Variants in PXDNL observed in about 807,000 individuals in gnomAD.
PXDNL encodes probable oxidoreductase PXDNL.
Under a neutral mutation model 150.8 loss-of-function variants are expected in PXDNL, and 145 were observed. That is an observed-to-expected ratio of 0.96 (90% CI 0.84 to 1.10). PXDNL has a LOEUF of 1.10. Among genes scored for constraint, PXDNL ranks in the 50% least tolerant of loss-of-function variants. The pLI is 0.00. For missense variants in PXDNL, 2,087 were observed against 1,873.9 expected, an observed-to-expected ratio of 1.11 and a Z score of -2.10; for synonymous variants, 757 against 725.7, an observed-to-expected ratio of 1.04 and a Z score of -0.69.
chr8:51,710,666 TC>T lies in PXDNL; in HGVS notation c.165-55907del, dbSNP rs1816480136. On this transcript the variant is annotated intron_variant, in intron 1 of 22. Transcript: ENST00000356297. ...TATGAATGAGTCTGACCATTTTAGA[TC>T]CCCCATAGGAGTGAGCTCATGAAGT... is the stretch of plus-strand genomic sequence containing the variant. Among the ~76,000 whole-genome samples, 4 of 152,290 alleles carry T rather than the reference TC, an allele frequency of 2.6e-5. No homozygotes were observed. The East Asian group carries it at 5.8e-4, about 22-fold the overall frequency.
intron 2 of PXDNL, among the ~76,000 whole-genome samples, chr8:51,616,610 A>C (rs1216769124): frequency 6.6e-6 from 1 of 152,050 alleles, no homozygotes; most frequent in African/African-American, 2.4e-5. Flanking sequence ...AGATGATTGT[A>C]GTATTGGCAT....
At chr8:51,370,504 C>T (rs772088249) in intron 19 of PXDNL, among the ~76,000 whole-genome samples, 3 of 152,200 alleles carry the variant, frequency 2.0e-5, no homozygotes, top group Non-Finnish European at 4.4e-5. Context: ...GATCTAATCA[C>T]TAAGAACTTG....
intron 1 of PXDNL, among the ~76,000 whole-genome samples, chr8:51,660,539 G>A (rs139582956): frequency 2.0e-5 from 3 of 152,256 alleles, no homozygotes; most frequent in East Asian, 3.9e-4. Context: ...TTCTGTTTGC[G>A]TGTGGTACTT....
intron 2 of PXDNL, among the ~76,000 whole-genome samples, chr8:51,617,458 G>T (rs1814154064): frequency 6.6e-6 from 1 of 152,172 alleles, no homozygotes; most frequent in African/African-American, 2.4e-5. Flanking sequence ...AAGTGTCTTG[G>T]TTGTTTCACT....
In PXDNL at chr8:51,409,055, C is replaced by G. The variant is rs571842635; in HGVS notation, c.2569G>C (p.Ala857Pro). The G allele has an allele frequency of 2.3e-5, 37 of 1,609,890 alleles. No homozygotes were observed. In the South Asian group the frequency reaches 4.1e-4, roughly 18 times the overall value. The change falls in exon 17 of 23, where the codon GCG (alanine) becomes CCG (proline). Residue 857 changes from alanine to proline, a missense_variant. Coordinates refer to ENST00000356297, the MANE Select transcript of PXDNL (RefSeq NM_144651.5). ...TRHADPRGTH[A>P]PCMLFARSSP... ...GAGCGCGCGAAGAGCATGCAGGGCG[C>G]GTGGGTGCCCCGGGGGTCGGCGTGC... is the stretch of plus-strand genomic sequence containing the variant.
chr8:51,334,712 A>T (rs1244780482), intron 21 of PXDNL, among the ~76,000 whole-genome samples: 4 of 152,208 alleles, frequency 2.6e-5, no homozygotes, highest in Non-Finnish European at 5.9e-5. Flanking sequence ...TAAAGTAGAA[A>T]ACCTACAAGA....
At chr8:51,403,641 CCTT>C (rs966768404) in intron 17 of PXDNL, among the ~76,000 whole-genome samples, 1 of 152,178 alleles carries the variant, frequency 6.6e-6, no homozygotes, top group African/African-American at 2.4e-5. Flanking sequence ...TCTCAAATGT[CCTT>C]CTTGGCACTC....
intron 4 of PXDNL, among the ~76,000 whole-genome samples, chr8:51,547,610 G>C (rs1812391210): frequency 6.6e-6 from 1 of 152,110 alleles, no homozygotes; most frequent in Admixed American, 6.6e-5. Context: ...CCGAAGTCTG[G>C]CTCTCAGAAA....
chr8:51,757,465 AAT>A (rs1381264225), intron 1 of PXDNL, among the ~76,000 whole-genome samples: 1 of 152,108 alleles, frequency 6.6e-6, no homozygotes, highest in Non-Finnish European at 1.5e-5. Context: ...CTAAGCTGGG[AAT>A]TAGATGGGAA....
intron 1 of PXDNL, among the ~76,000 whole-genome samples, chr8:51,750,376 C>T (rs910712216): frequency 2.0e-5 from 3 of 152,144 alleles, no homozygotes; most frequent in Admixed American, 2.0e-4. Context: ...GCCTCCTTCT[C>T]GATACCTTCT....
At chr8:51,739,641 G>A (rs918694770) in intron 1 of PXDNL, among the ~76,000 whole-genome samples, 11 of 152,058 alleles carry the variant, frequency 7.2e-5, no homozygotes, top group African/African-American at 1.7e-4. Flanking sequence ...TTGGGAGGCC[G>A]AGGCGGGTGG....
intron 4 of PXDNL, among the ~76,000 whole-genome samples, chr8:51,553,740 T>TTATATATATATATATATATATATA (rs747698313): frequency 2.3e-4 from 26 of 112,888 alleles, no homozygotes; most frequent in African/African-American, 1.0e-3. Flanking sequence ...GTGAGGGATT[T>TTATATATATATATATATATATATA]TATATATATA....
intron 4 of PXDNL, among the ~76,000 whole-genome samples, chr8:51,508,140 G>A (rs1170517248): frequency 6.6e-6 from 1 of 152,180 alleles, no homozygotes; most frequent in East Asian, 1.9e-4. Context: ...AGATGTTACT[G>A]TAAAAAGGAG....
At chr8:51,558,331 G>A (rs2130547841) in intron 3 of PXDNL, among the ~76,000 whole-genome samples, 1 of 152,172 alleles carries the variant, frequency 6.6e-6, no homozygotes, top group Admixed American at 6.6e-5. Context: ...ATGCAGCAAG[G>A]TTGAAAGCTA....
chr8:51,528,771 C>T (rs1237862363), intron 4 of PXDNL, among the ~76,000 whole-genome samples: 1 of 152,174 alleles, frequency 6.6e-6, no homozygotes, highest in Non-Finnish European at 1.5e-5. Context: ...AATGGGACTG[C>T]AGGCCCACGA....
At chr8:51,509,100 C>T (rs1309807158) in intron 4 of PXDNL, among the ~76,000 whole-genome samples, 2 of 152,078 alleles carry the variant, frequency 1.3e-5, no homozygotes, top group African/African-American at 4.8e-5. Context: ...GTCTACGTAG[C>T]CATCCTTGTT....
At chr8:51,324,892 A>G (rs149131222) in intron 21 of PXDNL, among the ~76,000 whole-genome samples, 135 of 149,106 alleles carry the variant, frequency 9.1e-4, no homozygotes, top group Middle Eastern at 7.1e-3. Context: ...TTATTTATTT[A>G]TTTGTTTGTT....
intron 3 of PXDNL, among the ~76,000 whole-genome samples, chr8:51,564,573 A>T (rs114030619): frequency 1.1e-3 from 168 of 151,818 alleles, no homozygotes; most frequent in African/African-American, 3.9e-3. Context: ...ATTTGTGTCC[A>T]TATGTACTTA....
chr8:51,595,925 A>AG (rs1298994487), intron 2 of PXDNL, among the ~76,000 whole-genome samples: 1 of 152,164 alleles, frequency 6.6e-6, no homozygotes, highest in Non-Finnish European at 1.5e-5. Flanking sequence ...TTTTAGATTC[A>AG]GGGGGCACAT....
Sources: gnomAD v4.1 joint callset for allele counts (sites outside exome capture counted in the v4.1 genomes callset) on GRCh38, gnomAD v4.1.1 for gene constraint, MANE v1.5 for transcripts, NCBI Gene and HGNC (gene_info 2026-07-23, HGNC 2026-07-21) for gene names.